The following MTERF3 variants were observed in gnomAD, a reference collection of about 807,000 sequenced individuals.
MTERF3 encodes transcription termination factor 3, mitochondrial.
A neutral mutation model predicts 40.5 loss-of-function variants in MTERF3; 40 were observed. The ratio of observed to expected loss-of-function variants is 0.99; its 90% CI spans 0.77 to 1.29. The LOEUF (loss-of-function observed/expected upper bound fraction) is 1.29. Ranked by LOEUF, MTERF3 falls within the 50% of genes most tolerant of loss-of-function variation. The pLI is 0.00. For synonymous variants in MTERF3, 158 were observed against 166.6 expected (o/e 0.95, Z 0.40); for missense variants, 452 against 478.2 (o/e 0.95, Z 0.51).
chr8:96,257,942 G>A (rs1366566980), intron 2 of MTERF3, among the ~76,000 whole-genome samples: 1 of 152,114 alleles, frequency 6.6e-6, no homozygotes, highest in Admixed American at 6.5e-5. Context: ...GAACTCTGTG[G>A]AGTTAATATA....
chr8:96,242,632 A>C (rs1354389472), intron 7 of MTERF3, among the ~76,000 whole-genome samples: 1 of 152,244 alleles, frequency 6.6e-6, no homozygotes, highest in Non-Finnish European at 1.5e-5. Flanking sequence ...TGTTAATACA[A>C]ATAAAGCAAT....
chr8:96,245,061 G>T (rs892301453), intron 6 of MTERF3, among the ~76,000 whole-genome samples: 3 of 152,098 alleles, frequency 2.0e-5, no homozygotes, highest in African/African-American at 7.2e-5. Context: ...CCAAACACAG[G>T]CCGGGTCCTC....
intron 2 of MTERF3, chr8:96,258,046 G>T: frequency 5.8e-6 from 1 of 172,896 alleles, no homozygotes; most frequent in Non-Finnish European, 1.2e-5. Context: ...AATTTTACTT[G>T]ATATAATTAT....
chr8:96,250,659 GAAGAAGAAGAAGAAGAAGAAGA>G (rs1810149512), intron 4 of MTERF3, among the ~76,000 whole-genome samples: 1 of 32,326 alleles, frequency 3.1e-5, no homozygotes, highest in African/African-American at 1.2e-4. Context: ...AGAAGAAGAA[GAAGAAGAAGAAGAAGAAGAAGA>G]AGGAGGAGGA....
At chr8:96,247,970 A>G (rs1209741739) in intron 4 of MTERF3, among the ~76,000 whole-genome samples, 1 of 152,250 alleles carries the variant, frequency 6.6e-6, no homozygotes, top group Non-Finnish European at 1.5e-5. Flanking sequence ...ATATGAAAAG[A>G]TGCTCCAAAC....
chr8:96,260,347 C>T (rs1195317102), intron 1 of MTERF3: 1 of 147,740 alleles, frequency 6.8e-6, no homozygotes, highest in Non-Finnish European at 1.5e-5. Context: ...GCACGGTAGT[C>T]ATAAGGGCAC....
At chr8:96,254,823 T>C (rs528662169) in intron 3 of MTERF3, among the ~76,000 whole-genome samples, 67 of 152,228 alleles carry the variant, frequency 4.4e-4, no homozygotes, top group Non-Finnish European at 8.2e-4. Flanking sequence ...TATGGGTAAC[T>C]GGGCACAGAC....
At chr8:96,245,713 T>C (rs2129885015) in intron 6 of MTERF3, 147 bp downstream of exon 6, 2 of 693,768 alleles carry the variant, frequency 2.9e-6, no homozygotes, top group South Asian at 2.0e-5. Flanking sequence ...TAGACATTTG[T>C]TAAAGATAAT....
intron 6 of MTERF3, among the ~76,000 whole-genome samples, chr8:96,244,608 C>G (rs558272368): frequency 6.6e-6 from 1 of 152,122 alleles, no homozygotes; most frequent in Non-Finnish European, 1.5e-5. Context: ...ACCATGTTGG[C>G]CAGGCTGGTC....
chr8:96,255,671 C>T (rs1157061969), intron 3 of MTERF3, among the ~76,000 whole-genome samples: 1 of 151,764 alleles, frequency 6.6e-6, no homozygotes, highest in Non-Finnish European at 1.5e-5. Flanking sequence ...AAGGATGACC[C>T]CCAAAGTTTC....
At position 96,258,422 on chromosome 8, in the gene MTERF3, G is replaced by A; in HGVS notation, c.269C>T (p.Ser90Phe). ...TGTCTTCTGTGACTGTTCATTCATGGAAGGAAGCAGACTGCTTTGGGCAGA... is the reference window on the plus strand; with the variant it reads ...TGTCTTCTGTGACTGTTCATTCATGAAAGGAAGCAGACTGCTTTGGGCAGA... Reference protein sequence around the residue: ...NNSAQSSLLPSMNEQSQKTQN... With the variant: ...NNSAQSSLLPFMNEQSQKTQN... The change falls in exon 2 of 8, where the codon TCC (serine) becomes TTC (phenylalanine). Residue 90 changes from serine to phenylalanine, a missense_variant. Transcript: ENST00000287025. The A allele has an allele frequency of 6.8e-6, 11 of 1,614,112 alleles. No homozygotes were observed. Among genetic ancestry groups the A allele is most frequent in the Non-Finnish European group, 9.3e-6 (11 of 1,179,970 alleles).
chr8:96,257,177 C>A (rs1357389372), intron 2 of MTERF3, 63 bp from the exon 3 acceptor site: 2 of 1,458,004 alleles, frequency 1.4e-6, no homozygotes, highest in Non-Finnish European at 1.8e-6. Flanking sequence ...TCTGCAAAGA[C>A]CAGCTCTTCC....
chr8:96,244,559 C>G (rs946363006), intron 6 of MTERF3, among the ~76,000 whole-genome samples: 34 of 151,882 alleles, frequency 2.2e-4, no homozygotes, highest in Non-Finnish European at 8.8e-5. Context: ...CACCACCATG[C>G]CTGGCTAATT....
At chr8:96,245,811 T>G (rs1377495273) in intron 6 of MTERF3, 49 bp downstream of exon 6, 1 of 1,533,508 alleles carries the variant, frequency 6.5e-7, no homozygotes, top group Admixed American at 1.7e-5. Context: ...TTCAGAGGAT[T>G]TTAACACTTA....
chr8:96,239,996 C>T (rs766321039), intron 7 of MTERF3: 1 of 584,592 alleles, frequency 1.7e-6, no homozygotes, highest in South Asian at 2.2e-5. Context: ...CGTGGTGGCT[C>T]ACGCCTTTAG....
At position 96,244,084 on chromosome 8, in the gene MTERF3, A is replaced by C; in HGVS notation, c.898-4T>G. On this transcript the variant is annotated splice_region_variant and splice_polypyrimidine_tract_variant and intron_variant, in intron 6 of 7. Coordinates refer to ENST00000287025, the MANE Select transcript of MTERF3 (RefSeq NM_015942.5). Reference sequence around the variant, plus strand: ...AACCAAGTTCAAGACGATAAACCTAAAAGAAAGTAAATTTGCTATGAATCG... The same window carrying C: ...AACCAAGTTCAAGACGATAAACCTACAAGAAAGTAAATTTGCTATGAATCG... 6.2e-7 allele frequency: 1 copy of C among 1,605,858 alleles called. No individual in the cohort carries two copies. Among genetic ancestry groups the C allele is most frequent in the African/African-American group, 1.3e-5 (1 of 74,696 alleles).
At position 96,239,484 on chromosome 8, in the gene MTERF3, T is replaced by TAA; in HGVS notation, c.*5_*6dup. ...TTACAATACTGCATTTTAACATACA[T>TAA]AAAAATCTAAAGCGTTTTTAAGAAT... On this transcript the variant is annotated 3_prime_UTR_variant, in exon 8 of 8. Coordinates refer to ENST00000287025, the MANE Select transcript of MTERF3 (RefSeq NM_015942.5). The TAA allele has an allele frequency of 1.3e-6, 2 of 1,576,274 alleles. No homozygotes were observed. The highest frequency in any genetic ancestry group is 1.7e-6 in the Non-Finnish European group (2 of 1,162,882).
Position 96,258,715 on chromosome 8 carries a change from T to C in MTERF3, c.-10-15A>G. ...TTTTTCTTAGTCTACAAAGGAAAGATATAACCGTCAAAAGAAGAGAAATTT... is the reference window on the plus strand; with the variant it reads ...TTTTTCTTAGTCTACAAAGGAAAGACATAACCGTCAAAAGAAGAGAAATTT... On this transcript the variant is annotated splice_polypyrimidine_tract_variant and intron_variant, in intron 1 of 7. Coordinates refer to ENST00000287025, the MANE Select transcript of MTERF3 (RefSeq NM_015942.5). The C allele has an allele frequency of 2.0e-6, 3 of 1,513,982 alleles. No individual in the cohort carries two copies. Among genetic ancestry groups the C allele is most frequent in the East Asian group, 2.3e-5 (1 of 43,958 alleles). 93.8% of individuals were successfully genotyped at this position (1,513,982 alleles called of 1,614,324 possible).
chr8:96,257,218 G>T, intron 2 of MTERF3, 104 bp from the exon 3 acceptor site: 1 of 1,231,578 alleles, frequency 8.1e-7, no homozygotes, highest in Non-Finnish European at 1.1e-6. Context: ...GTTAAATCTT[G>T]GGATCATTTT....
Sources: allele counts gnomAD v4.1 joint callset (sites outside exome capture counted in the v4.1 genomes callset), GRCh38; gene constraint gnomAD v4.1.1; transcripts MANE v1.5; gene names NCBI Gene and HGNC (gene_info 2026-07-23, HGNC 2026-07-21).